FSIP2: variants seen among roughly 807,000 people sequenced by gnomAD.
FSIP2 encodes fibrous sheath-interacting protein 2.
FSIP2 carries 367 observed loss-of-function variants against 510.5 expected under a neutral mutation model. The ratio of observed to expected loss-of-function variants is 0.72; its 90% CI spans 0.66 to 0.78. FSIP2 has a LOEUF of 0.78. Among genes scored for constraint, FSIP2 ranks in the 30% least tolerant of loss-of-function variants. The pLI is 0.00. For synonymous variants in FSIP2, 2,601 were observed against 2,732.2 expected, an observed-to-expected ratio of 0.95 and a Z score of 1.50; for missense variants, 7,594 against 7,901.7, an observed-to-expected ratio of 0.96 and a Z score of 1.48.
At chr2:185,764,675 T>A in intron 13 of FSIP2, 110 bp downstream of exon 13, 1 of 780,852 alleles carries the variant, frequency 1.3e-6, no homozygotes, top group Non-Finnish European at 2.0e-6. Context: ...TTTTAATCAT[T>A]CAAGGAAAAA....
chr2:185,777,931 C>A (rs1692762827), intron 13 of FSIP2, among the ~76,000 whole-genome samples: 1 of 151,970 alleles, frequency 6.6e-6, no homozygotes, highest in Non-Finnish European at 1.5e-5. Flanking sequence ...ATTATATATT[C>A]TTTGAATGTT....
intron 21 of FSIP2, 39 bp from the exon 22 acceptor site, chr2:185,831,774 A>C: frequency 1.5e-6 from 2 of 1,325,574 alleles, no homozygotes; most frequent in Non-Finnish European, 2.2e-6. Flanking sequence ...GTTTGTGTCC[A>C]GTGAAAGACT....
Position 185,802,882 on chromosome 2 carries a change from A to G in FSIP2, c.13576A>G (p.Lys4526Glu), listed in dbSNP as rs566929081. 4.1e-5 allele frequency: 61 copies of G among 1,498,030 alleles called. No homozygotes were observed. The South Asian group carries it at 7.3e-4, about 18-fold the overall frequency. The allele number at this position is 1,498,030 out of a possible 1,614,324, so 92.8% of individuals were successfully genotyped here. A position where few individuals can be genotyped will look rare whatever the true frequency, so the allele number is the denominator to read the frequency against. Residue 4526 changes from lysine (K) to glutamate (E), a missense_variant, in exon 17 of 23, where the codon AAA becomes GAA. Coordinates refer to ENST00000424728, the MANE Select transcript of FSIP2 (RefSeq NM_173651.4). ...KVSQHEIRFS[K>E]EEEETKFIYS... ...TTCCCAACATGAAATTCGATTTTCA[A>G]AAGAGGAAGAAGAAACCAAGTTTAT...
At chr2:185,756,843 A>C (rs1174602485) in intron 9 of FSIP2, among the ~76,000 whole-genome samples, 1 of 151,490 alleles carries the variant, frequency 6.6e-6, no homozygotes, top group African/African-American at 2.4e-5. Flanking sequence ...CAAAGAAAAA[A>C]TTAACATATA....
At chr2:185,824,528 T>G in intron 20 of FSIP2, 48 bp downstream of exon 20, 1 of 1,103,518 alleles carries the variant, frequency 9.1e-7, no homozygotes, top group Non-Finnish European at 1.3e-6. Flanking sequence ...ACTACTTTGA[T>G]GTGTTTTTTT....
chr2:185,806,903 T>C lies in FSIP2; in HGVS notation c.17597T>C (p.Val5866Ala). ...GGTAAAGTGTCTTCAGTTCCTAAAG[T>C]ACCTCCAAGGTATAAAGAGCCAACT... Reference protein sequence around the residue: ...PGGKVSSVPKVPPRYKEPTTD... With the variant: ...PGGKVSSVPKAPPRYKEPTTD... Residue 5866 changes from valine (V) to alanine (A), a missense_variant, in exon 17 of 23, where the codon GTA becomes GCA. Coordinates refer to ENST00000424728, the MANE Select transcript of FSIP2 (RefSeq NM_173651.4). The C allele has an allele frequency of 6.2e-7, 1 of 1,609,466 alleles. No homozygotes were observed. The highest frequency in any genetic ancestry group is 8.5e-7 in the Non-Finnish European group (1 of 1,178,118).
In FSIP2 at chr2:185,739,332, A is replaced by G. The variant is rs1285244927; in HGVS notation, c.100-14A>G. The stretch of plus-strand genomic sequence containing the variant: ...CTAAAAGGAAAGACAAAACTCTCCA[A>G]TTGTGTCTGACAGGGCGTGCACAAA... On this transcript the variant is annotated splice_polypyrimidine_tract_variant and intron_variant, in intron 1 of 22. Transcript: ENST00000424728. 2 of 1,517,280 alleles carry G rather than the reference A, an allele frequency of 1.3e-6. No homozygotes were observed. Among genetic ancestry groups the G allele is most frequent in the East Asian group, 2.5e-5 (1 of 40,430 alleles). 94.0% of individuals were successfully genotyped at this position (1,517,280 alleles called of 1,614,324 possible). A position where few individuals can be genotyped will look rare whatever the true frequency, so the allele number is the denominator to read the frequency against.
rs541372057 is a variant in FSIP2 at position 185,823,974 on chromosome 2, C to T, written c.20427-460C>T. 1.6e-4 allele frequency among the ~76,000 whole-genome samples: 24 copies of T among 151,746 alleles called. 1 individual carries two copies. The South Asian group carries it at 3.1e-3, about 20-fold the overall frequency. ...GAAAGATGTTTTGCTAATTGGTATA[C>T]GTCAGCAAAAAAGGCCAAATATTTC... On this transcript the variant is annotated intron_variant, in intron 19 of 22. Transcript: ENST00000424728.
Position 185,739,464 on chromosome 2 carries a change from G to A in FSIP2, c.218G>A (p.Gly73Asp), listed in dbSNP as rs1481276384. ...SNAVFYTTNF[G>D]EKLFRPSYGF... ...GCTGTATTCTATACTACGAATTTCG[G>A]TGAAAAGGTGAACAAGTTTTTATCG... Residue 73 changes from glycine (G) to aspartate (D), a missense_variant, in exon 2 of 23, where the codon GGT becomes GAT. Gly to Asp is a moderately conservative substitution (Grantham distance 94, BLOSUM62 -1). Coordinates refer to ENST00000424728, the MANE Select transcript of FSIP2 (RefSeq NM_173651.4). 2 of 1,496,804 alleles carry A rather than the reference G, an allele frequency of 1.3e-6. No homozygotes were observed. The highest frequency in any genetic ancestry group is 1.8e-6 in the Non-Finnish European group (2 of 1,128,084). The allele number at this position is 1,496,804 out of a possible 1,614,324, so 92.7% of individuals were successfully genotyped here.
At chr2:185,779,312 C>A (rs138185747) in intron 13 of FSIP2, among the ~76,000 whole-genome samples, 28 of 144,888 alleles carry the variant, frequency 1.9e-4, no homozygotes, top group Non-Finnish European at 3.3e-4. Context: ...TTTTTTTTTA[C>A]TGTTTTACAA....
At position 185,806,513 on chromosome 2, in the gene FSIP2, C is replaced by T. The variant is rs769959349; in HGVS notation, c.17207C>T (p.Ser5736Phe). 4.4e-6 allele frequency: 7 copies of T among 1,599,514 alleles called. No homozygotes were observed. The highest frequency in any genetic ancestry group is 1.4e-5 in the African/African-American group (1 of 73,560). Residue 5736 changes from serine (S) to phenylalanine (F), a missense_variant, in exon 17 of 23, where the codon TCC (serine) becomes TTC (phenylalanine). Ser to Phe is a radical substitution (Grantham distance 155). Transcript: ENST00000424728. ...AQSVTTKKVSSSTNKNISAKE... is the reference protein window; with the variant it reads ...AQSVTTKKVSFSTNKNISAKE... ...TCTGTTACAACAAAAAAAGTATCCTCCTCAACTAACAAAAATATCTCTGCC... is the reference window on the plus strand; with the variant it reads ...TCTGTTACAACAAAAAAAGTATCCTTCTCAACTAACAAAAATATCTCTGCC...
In FSIP2 at chr2:185,800,526, C is replaced by A; in HGVS notation, c.11220C>A (p.Thr3740=). 5 of 1,530,554 alleles carry A rather than the reference C, an allele frequency of 3.3e-6. No homozygotes were observed. In the South Asian group the frequency reaches 6.0e-5, roughly 18 times the overall value. 94.8% of individuals were successfully genotyped at this position (1,530,554 alleles called of 1,614,324 possible). A position where few individuals can be genotyped will look rare whatever the true frequency, so the allele number is the denominator to read the frequency against. ...SNNEQPNSIL[T]NNLQLSSKSV... is the part of the protein sequence containing the mutation. ...ATGAGCAACCTAATAGCATACTTAC[C>A]AATAACCTACAGCTCTCCTCAAAAT... The change falls in exon 17 of 23, where the codon ACC becomes ACA. Residue 3740 remains threonine (T), a synonymous_variant. Transcript: ENST00000424728.
At chr2:185,766,001 T>C (rs1692469018) in intron 13 of FSIP2, 2 of 151,484 alleles carry the variant, frequency 1.3e-5, no homozygotes, top group African/African-American at 4.8e-5. Context: ...TTTTGTATCC[T>C]GAGACTTTGC....
upstream of FSIP2, chr2:185,738,273 G>C (rs1219649604): frequency 3.4e-6 from 1 of 293,730 alleles, no homozygotes; most frequent in African/African-American, 2.3e-5. Flanking sequence ...TGAGGAGAAA[G>C]AGGGAAATAG....
rs1054691950 is a variant in FSIP2, at chr2:185,745,526, G to T, written c.575G>T (p.Gly192Val). 4 of 1,535,748 alleles carry T rather than the reference G, an allele frequency of 2.6e-6. No homozygotes were observed. Among genetic ancestry groups the T allele is most frequent in the Non-Finnish European group, 3.5e-6 (4 of 1,146,594 alleles). Reference sequence around the variant, plus strand: ...GTCCAAAACTGGTTGTTAAAGGAGGGCACTGAATCTATTAAGGACCAGGAG... The same window carrying T: ...GTCCAAAACTGGTTGTTAAAGGAGGTCACTGAATCTATTAAGGACCAGGAG... ...AQVQNWLLKE[G>V]TESIKDQERL... Residue 192 changes from glycine to valine, a missense_variant, in exon 5 of 23, where the codon GGC becomes GTC. Coordinates refer to ENST00000424728, the MANE Select transcript of FSIP2 (RefSeq NM_173651.4).
chr2:185,796,866 C>A lies in FSIP2; in HGVS notation c.9730C>A (p.His3244Asn). ...TTCTACTAGAAACAAAGTACAAGAC[C>A]ACAGACCAAGGGAATCTAACTTTGG... ...SCSTRNKVQDHRPRESNFGSF... is the reference protein window; with the variant it reads ...SCSTRNKVQDNRPRESNFGSF... Residue 3244 changes from histidine to asparagine, a missense_variant, in exon 16 of 23, where the codon CAC becomes AAC. By Grantham distance (68) the His-to-Asn change is moderately conservative. Transcript: ENST00000424728. The A allele has an allele frequency of 6.5e-7, 1 of 1,535,028 alleles. No individual in the cohort carries two copies. The highest frequency in any genetic ancestry group is 8.7e-7 in the Non-Finnish European group (1 of 1,146,234).
intron 8 of FSIP2, 87 bp from the exon 9 acceptor site, chr2:185,756,105 C>T (rs1692241352): frequency 6.2e-6 from 3 of 480,816 alleles, no homozygotes; most frequent in Non-Finnish European, 1.1e-5. Flanking sequence ...TTCAGCTCCT[C>T]TTGGGCATAA....
At chr2:185,829,938 A>G (rs1056635883) in intron 21 of FSIP2, among the ~76,000 whole-genome samples, 1 of 151,938 alleles carries the variant, frequency 6.6e-6, no homozygotes, top group African/African-American at 2.4e-5. Context: ...TGAGTTGTAC[A>G]TATTTGGAAC....
Position 185,806,957 on chromosome 2 carries a change from T to A in FSIP2, c.17651T>A (p.Ile5884Lys), listed in dbSNP as rs746813345. 6.2e-7 allele frequency: 1 copy of A among 1,611,210 alleles called. No homozygotes were observed. The highest frequency in any genetic ancestry group is 1.7e-5 in the Admixed American group (1 of 59,640). ...GATGAAGCACCATCCAGCATTAAGA[T>A]AAAATCTGCAGATAAAATGCCACCT... ...TTDEAPSSIK[I>K]KSADKMPPMH... The change falls in exon 17 of 23, where the codon ATA (isoleucine) becomes AAA (lysine). Residue 5884 changes from isoleucine to lysine, a missense_variant. Ile to Lys is a moderately radical substitution (Grantham distance 102). Coordinates refer to ENST00000424728, the MANE Select transcript of FSIP2 (RefSeq NM_173651.4).
Sources: gnomAD v4.1 joint callset for allele counts (sites outside exome capture counted in the v4.1 genomes callset) on GRCh38, gnomAD v4.1.1 for gene constraint, MANE v1.5 for transcripts, NCBI Gene and HGNC (gene_info 2026-07-23, HGNC 2026-07-21) for gene names.